SLCO1A2: variants seen among roughly 807,000 people sequenced by gnomAD.
SLCO1A2 encodes the protein solute carrier organic anion transporter family member 1A2.
In SLCO1A2, 67 loss-of-function variants were observed where a neutral mutation model predicts 69.0. That is an observed-to-expected ratio of 0.97 (90% CI 0.80 to 1.19). SLCO1A2 has a LOEUF of 1.19. Among genes scored for constraint, SLCO1A2 ranks in the 50% most tolerant of loss-of-function variants. The pLI is 0.00. For synonymous variants in SLCO1A2, 260 were observed against 265.9 expected (o/e 0.98, Z 0.22); for missense variants, 787 against 793.7 (o/e 0.99, Z 0.10).
At chr12:21,287,914 T>G in intron 12 of SLCO1A2, among the ~76,000 whole-genome samples, 1 of 118,452 alleles carries the variant, frequency 8.4e-6, no homozygotes, top group Non-Finnish European at 1.7e-5. Flanking sequence ...TAATGCTAGA[T>G]GACGAGTTAG....
At chr12:21,315,259 T>C (rs942385235) in intron 3 of SLCO1A2, among the ~76,000 whole-genome samples, 2 of 152,202 alleles carry the variant, frequency 1.3e-5, no homozygotes, top group African/African-American at 4.8e-5. Context: ...TAAAAATTAG[T>C]AGACCCCCAC....
intron 2 of SLCO1A2, among the ~76,000 whole-genome samples, chr12:21,361,467 A>C (rs771787484): frequency 1.2e-4 from 19 of 152,322 alleles, no homozygotes; most frequent in Non-Finnish European, 2.2e-4. Context: ...AATTCTAAAA[A>C]TTAGCGCACC....
At chr12:21,369,402 C>T (rs567666801) in intron 2 of SLCO1A2, among the ~76,000 whole-genome samples, 1 of 152,280 alleles carries the variant, frequency 6.6e-6, no homozygotes, top group Non-Finnish European at 1.5e-5. Flanking sequence ...ACTCTTGCCA[C>T]CCTCTAATTC....
chr12:21,368,996 A>G (rs1052135183), intron 2 of SLCO1A2, among the ~76,000 whole-genome samples: 1 of 152,144 alleles, frequency 6.6e-6, no homozygotes, highest in African/African-American at 2.4e-5. Context: ...AAATGTAGAA[A>G]CACCTAAAAT....
intron 2 of SLCO1A2, among the ~76,000 whole-genome samples, chr12:21,340,594 C>T (rs780218636): frequency 8.6e-5 from 13 of 151,996 alleles, no homozygotes; most frequent in Admixed American, 7.9e-4. Flanking sequence ...GTAACACTGA[C>T]GTAATCCAGT....
chr12:21,272,894 G>T (rs186293899), intron 14 of SLCO1A2, among the ~76,000 whole-genome samples: 5 of 152,104 alleles, frequency 3.3e-5, no homozygotes, highest in African/African-American at 1.2e-4. Context: ...AAATGTAAAG[G>T]TAATCAGAAG....
rs1052090511 is a variant in SLCO1A2, at chr12:21,319,589, A to G, written c.61-666T>C. 23 of 645,524 alleles carry G rather than the reference A, an allele frequency of 3.6e-5. No individual in the cohort carries two copies. The African/African-American group carries it at 4.1e-4, about 12-fold the overall frequency. 40.0% of individuals were successfully genotyped at this position (645,524 alleles called of 1,614,324 possible). On this transcript the variant is annotated intron_variant, in intron 2 of 14. Coordinates refer to ENST00000683939, the MANE Select transcript of SLCO1A2 (RefSeq NM_001386879.1). ...TTTCAGGGTTTCTCAGCTGCAGTGTAAATGGAGGACCACACAAAAATGAGA... is the reference window on the plus strand; with the variant it reads ...TTTCAGGGTTTCTCAGCTGCAGTGTGAATGGAGGACCACACAAAAATGAGA...
At chr12:21,411,386 T>A (rs1941904408) in intron 1 of SLCO1A2, among the ~76,000 whole-genome samples, 1 of 152,222 alleles carries the variant, frequency 6.6e-6, no homozygotes, top group Non-Finnish European at 1.5e-5. Context: ...CTCCTTGATC[T>A]CTCATGCGAC....
intron 14 of SLCO1A2, among the ~76,000 whole-genome samples, chr12:21,273,583 G>T (rs1302281211): frequency 6.6e-6 from 1 of 152,170 alleles, no homozygotes; most frequent in East Asian, 1.9e-4. Context: ...TAATTCAGGA[G>T]ACTATCAACA....
chr12:21,389,013 G>A (rs12818993), intron 1 of SLCO1A2, among the ~76,000 whole-genome samples: 16,491 of 152,162 alleles, frequency 0.11, 1,132 homozygotes, highest in East Asian at 0.38. Flanking sequence ...AATGTACTGA[G>A]CCTCTTCAAT....
intron 2 of SLCO1A2, among the ~76,000 whole-genome samples, chr12:21,349,299 CTT>C (rs1296278421): frequency 1.3e-5 from 2 of 152,092 alleles, no homozygotes; most frequent in African/African-American, 4.8e-5. Context: ...GATAGAGACT[CTT>C]AAGAGCATTG....
intron 5 of SLCO1A2, among the ~76,000 whole-genome samples, chr12:21,305,753 G>C (rs1419231281): frequency 1.3e-5 from 2 of 152,236 alleles, no homozygotes; most frequent in Non-Finnish European, 1.5e-5. Flanking sequence ...CCCCATGGGG[G>C]TTCTTTGGCT....
In SLCO1A2 at chr12:21,300,418, G is replaced by A. The variant is rs1429621052; in HGVS notation, c.840C>T (p.Asp280=). Residue 280 remains aspartate, a synonymous_variant, in exon 8 of 15, where the codon GAC becomes GAT. Coordinates refer to ENST00000683939, the MANE Select transcript of SLCO1A2 (RefSeq NM_001386879.1). ...TGTCTTCATTTTCATTTTTAATGATGTCAGCATTAGTCTCTAGTCCTTCCT... is the reference window on the plus strand; with the variant it reads ...TGTCTTCATTTTCATTTTTAATGATATCAGCATTAGTCTCTAGTCCTTCCT... The part of the protein sequence containing the change: ...LPKEGLETNA[D]IIKNENEDKQ... 1 of 1,613,168 alleles carries A rather than the reference G, an allele frequency of 6.2e-7. No individual in the cohort carries two copies. Among genetic ancestry groups the A allele is most frequent in the Non-Finnish European group, 8.5e-7 (1 of 1,179,682 alleles).
intron 3 of SLCO1A2, among the ~76,000 whole-genome samples, chr12:21,316,757 TTC>T (rs1376897067): frequency 2.0e-5 from 3 of 152,120 alleles, no homozygotes; most frequent in African/African-American, 7.2e-5. Context: ...ACCTCATAAA[TTC>T]TCTCTCTAGT....
At chr12:21,336,297 T>C (rs558079754), upstream of SLCO1A2, among the ~76,000 whole-genome samples, 1 of 152,048 alleles carries the variant, frequency 6.6e-6, no homozygotes, top group African/African-American at 2.4e-5. Context: ...TTTTTTCATA[T>C]ATAGCCAGAG....
intron 2 of SLCO1A2, among the ~76,000 whole-genome samples, chr12:21,353,768 T>C (rs1049074287): frequency 3.3e-5 from 5 of 152,174 alleles, no homozygotes; most frequent in African/African-American, 1.2e-4. Context: ...GACAAGTCAG[T>C]AGAGAGGAGA....
At position 21,274,652 on chromosome 12, in the gene SLCO1A2, T is replaced by C. The variant is rs3736081; in HGVS notation, c.1676-66A>G. 0.029 allele frequency: 31,781 copies of C among 1,098,416 alleles called. 3,045 individuals carry two copies. The East Asian group carries it at 0.32, about 11-fold the overall frequency. The allele number at this position is 1,098,416 out of a possible 1,614,324, so 68.0% of individuals were successfully genotyped here. A position where few individuals can be genotyped will look rare whatever the true frequency, so the allele number is the denominator to read the frequency against. On this transcript the variant is annotated intron_variant, in intron 13 of 14. Transcript: ENST00000683939. ...AAGATACTTGATTTATTTGGAAATA[T>C]TTCAATTTTCTTTATTTGTACGGCA...
intron 4 of SLCO1A2, among the ~76,000 whole-genome samples, chr12:21,307,603 A>T (rs1949585784): frequency 6.6e-6 from 1 of 152,162 alleles, no homozygotes. Context: ...ATAAACTATG[A>T]CCATTTAATT....
At chr12:21,325,337 T>A (rs1357866520) in intron 2 of SLCO1A2, among the ~76,000 whole-genome samples, 2 of 138,580 alleles carry the variant, frequency 1.4e-5, no homozygotes, top group African/African-American at 6.9e-5. Context: ...TTACCTTACA[T>A]AAAGGCTGTT....
Sources: gnomAD v4.1 joint callset for allele counts (sites outside exome capture counted in the v4.1 genomes callset) on GRCh38, gnomAD v4.1.1 for gene constraint, MANE v1.5 for transcripts, NCBI Gene and HGNC (gene_info 2026-07-23, HGNC 2026-07-21) for gene names.